The following NPAS3 variants were observed in gnomAD, a reference collection of about 807,000 sequenced individuals.
NPAS3 encodes the protein neuronal PAS domain protein 3, also known as neuronal PAS domain-containing protein 3.
In NPAS3, 14 loss-of-function variants were observed where a neutral mutation model predicts 73.1. The observed-to-expected ratio is 0.19, with a 90% CI of 0.13 to 0.30. The LOEUF is 0.30. Ranked by LOEUF, NPAS3 falls within the 10% of genes least tolerant of loss-of-function variation. The pLI, the probability that NPAS3 is intolerant of heterozygous loss-of-function variation, is 1.00. For missense variants in NPAS3, 1,096 were observed against 1,250.0 expected (o/e 0.88, Z 1.86); for synonymous variants, 620 against 541.5 (o/e 1.14, Z -2.01).
rs144849840 is a variant in NPAS3 at position 33,405,660 on chromosome 14, C to G, written c.468+38392C>G. Among the ~76,000 whole-genome samples the G allele has an allele frequency of 2.6e-3, 403 of 152,112 alleles. 3 individuals carry two copies. Among genetic ancestry groups the G allele is most frequent in the African/African-American group, 9.4e-3 (388 of 41,482 alleles). On this transcript the variant is annotated intron_variant, in intron 4 of 11. Coordinates refer to ENST00000356141, the Ensembl canonical transcript of NPAS3. The stretch of plus-strand genomic sequence containing the variant: ...TTGCCTTTGGAAAAAACGTTAGCCT[C>G]TAGCAAATCCCATTTAAAAAAAATC...
At position 33,269,453 on chromosome 14, in the gene NPAS3, CT is replaced by C. The variant is rs563052497; in HGVS notation, c.385+54028del. Among the ~76,000 whole-genome samples the C allele has an allele frequency of 1.2e-4, 18 of 152,312 alleles. 1 individual carries two copies. The South Asian group carries it at 3.3e-3, about 28-fold the overall frequency. ...AGGTCTTGAACCACTATGAATCACTCTGTTAATCACATGCTCCTTTGAGCAG... is the reference window on the plus strand; with the variant it reads ...AGGTCTTGAACCACTATGAATCACTCGTTAATCACATGCTCCTTTGAGCAG... On this transcript the variant is annotated intron_variant, in intron 3 of 11. Transcript: ENST00000356141.
At chr14:33,560,419 C>A in intron 5 of NPAS3, 1 of 426,804 alleles carries the variant, frequency 2.3e-6, no homozygotes, top group Non-Finnish European at 4.2e-6. Flanking sequence ...ACTTTAGTTC[C>A]GCTCCCCACC....
chr14:33,726,038 C>A (rs1952160), intron 6 of NPAS3, among the ~76,000 whole-genome samples: 45,022 of 151,904 alleles, frequency 0.3, 7,501 homozygotes, highest in African/African-American at 0.44. Context: ...CTTCTCTGTT[C>A]CTCATTCAAT....
At chr14:33,376,187 G>A (rs1441146569) in intron 4 of NPAS3, among the ~76,000 whole-genome samples, 2 of 152,004 alleles carry the variant, frequency 1.3e-5, no homozygotes, top group African/African-American at 2.4e-5. Context: ...TAATCCTAAG[G>A]GGAAAAGTAT....
chr14:33,530,391 G>A (rs1283955717), intron 4 of NPAS3, among the ~76,000 whole-genome samples: 2 of 152,120 alleles, frequency 1.3e-5, no homozygotes, highest in African/African-American at 4.8e-5. Context: ...TAAAGCAAGG[G>A]CATTGAAGCA....
At chr14:33,489,825 T>G (rs888905431) in intron 4 of NPAS3, among the ~76,000 whole-genome samples, 1 of 152,178 alleles carries the variant, frequency 6.6e-6, no homozygotes, top group Non-Finnish European at 1.5e-5. Context: ...TTTGTAATAC[T>G]GTTTTATGAG....
chr14:33,721,642 G>A (rs1343585468), intron 6 of NPAS3, among the ~76,000 whole-genome samples: 1 of 152,090 alleles, frequency 6.6e-6, no homozygotes, highest in Non-Finnish European at 1.5e-5. Context: ...TCTATGTCAA[G>A]TATTTTATGT....
intron 5 of NPAS3, among the ~76,000 whole-genome samples, chr14:33,581,423 G>A (rs28412271): frequency 0.25 from 37,641 of 152,070 alleles, 7,009 homozygotes; most frequent in African/African-American, 0.53. Flanking sequence ...ACTGTAGACT[G>A]ACAGAAAATA....
intron 5 of NPAS3, among the ~76,000 whole-genome samples, chr14:33,563,360 C>CT (rs33959466): frequency 0.3 from 45,821 of 151,642 alleles, 7,159 homozygotes; most frequent in African/African-American, 0.38. Flanking sequence ...CTCTTTGACT[C>CT]TCCCTTGGGT....
chr14:33,079,959 T>C lies in NPAS3; in HGVS notation c.140+23965T>C, dbSNP rs540074379. On this transcript the variant is annotated intron_variant, in intron 2 of 11. Transcript: ENST00000356141. ...ATGTTCAGGCACTGAATTTTTCCTG[T>C]GTGCATAGTACTGTTGGGCAATAAA... 2.6e-5 allele frequency among the ~76,000 whole-genome samples: 4 copies of C among 152,130 alleles called. No individual in the cohort carries two copies. In the East Asian group the frequency reaches 7.8e-4, roughly 30 times the overall value.
chr14:33,451,198 C>T (rs1464738412), intron 4 of NPAS3, among the ~76,000 whole-genome samples: 1 of 152,142 alleles, frequency 6.6e-6, no homozygotes, highest in East Asian at 1.9e-4. Flanking sequence ...ATTACTTGCC[C>T]CAAATCATCA....
chr14:32,996,437 G>A, intron 1 of NPAS3, among the ~76,000 whole-genome samples: 1 of 152,174 alleles, frequency 6.6e-6, no homozygotes, highest in East Asian at 1.9e-4. Context: ...AATGTATCTA[G>A]GGCATGTCAG....
At chr14:33,128,804 C>A (rs1347368802) in intron 2 of NPAS3, among the ~76,000 whole-genome samples, 2 of 152,138 alleles carry the variant, frequency 1.3e-5, no homozygotes, top group Non-Finnish European at 2.9e-5. Flanking sequence ...TCTGGTGTTA[C>A]TTTTACACAT....
intron 3 of NPAS3, among the ~76,000 whole-genome samples, chr14:33,222,873 A>C (rs2047484784): frequency 6.6e-6 from 1 of 152,144 alleles, no homozygotes; most frequent in Admixed American, 6.6e-5. Context: ...ATGGAGGGAG[A>C]ATGATGGGAA....
At chr14:33,480,539 C>A (rs1479911562) in intron 4 of NPAS3, among the ~76,000 whole-genome samples, 1 of 127,944 alleles carries the variant, frequency 7.8e-6, no homozygotes. Flanking sequence ...CTCCCCGCCC[C>A]GCCCCCACCC....
At chr14:33,763,949 T>C (rs1398103815) in intron 7 of NPAS3, among the ~76,000 whole-genome samples, 1 of 151,940 alleles carries the variant, frequency 6.6e-6, no homozygotes, top group Admixed American at 6.5e-5. Flanking sequence ...TTTAAGGGGA[T>C]GGCTTCTTTA....
chr14:33,798,674 C>T (rs1341004449), intron 11 of NPAS3, among the ~76,000 whole-genome samples: 2 of 152,110 alleles, frequency 1.3e-5, no homozygotes, highest in Non-Finnish European at 2.9e-5. Context: ...TCATTGTCCT[C>T]CTCTCCCTAA....
intron 5 of NPAS3, among the ~76,000 whole-genome samples, chr14:33,611,625 T>C (rs575838854): frequency 2.6e-5 from 4 of 152,204 alleles, no homozygotes; most frequent in Admixed American, 2.0e-4. Flanking sequence ...GCATGACTCA[T>C]TTTCCTTGAA....
chr14:33,590,829 C>T (rs372938094), intron 5 of NPAS3, among the ~76,000 whole-genome samples: 1 of 152,300 alleles, frequency 6.6e-6, no homozygotes, highest in South Asian at 2.1e-4. Context: ...TCCATCTATT[C>T]ATTGCTTTCG....
Sources: gnomAD v4.1 joint callset for allele counts (sites outside exome capture counted in the v4.1 genomes callset) on GRCh38, gnomAD v4.1.1 for gene constraint, MANE v1.5 for transcripts, NCBI Gene and HGNC (gene_info 2026-07-23, HGNC 2026-07-21) for gene names.